Variants in ZBTB44 observed in about 807,000 individuals in gnomAD.
The protein encoded by ZBTB44 is zinc finger and BTB domain-containing protein 44.
A neutral mutation model predicts 54.0 loss-of-function variants in ZBTB44; 15 were observed. That is an observed-to-expected ratio of 0.28 (90% confidence interval 0.19 to 0.43). The LOEUF is 0.43. ZBTB44 is among the 20% of genes least tolerant of loss of function. The pLI, the probability that ZBTB44 is intolerant of heterozygous loss-of-function variation, is 1.00. For missense variants in ZBTB44, 487 were observed against 707.1 expected (o/e 0.69, Z 3.53); for synonymous variants, 230 against 250.1 (o/e 0.92, Z 0.76).
At chr11:130,291,928 A>C (rs1194549606) in intron 1 of ZBTB44, among the ~76,000 whole-genome samples, 1 of 152,210 alleles carries the variant, frequency 6.6e-6, no homozygotes, top group Non-Finnish European at 1.5e-5. Flanking sequence ...GTTTCTTTGC[A>C]GTCTCACCTT....
At chr11:130,303,105 T>C (rs1353637326) in intron 1 of ZBTB44, among the ~76,000 whole-genome samples, 2 of 152,202 alleles carry the variant, frequency 1.3e-5, no homozygotes, top group Non-Finnish European at 2.9e-5. Flanking sequence ...GATATGCTTA[T>C]CTGCCAAGAA....
intron 2 of ZBTB44, among the ~76,000 whole-genome samples, chr11:130,252,719 A>G (rs1021679375): frequency 3.9e-5 from 6 of 152,200 alleles, no homozygotes; most frequent in Non-Finnish European, 7.3e-5. Flanking sequence ...TCATTTTATG[A>G]GGCCAGCACC....
chr11:130,249,473 T>G (rs1252897161), intron 2 of ZBTB44, among the ~76,000 whole-genome samples: 1 of 152,200 alleles, frequency 6.6e-6, no homozygotes, highest in East Asian at 1.9e-4. Context: ...GTGACATTAT[T>G]TCCCCCAGAA....
intron 1 of ZBTB44, among the ~76,000 whole-genome samples, chr11:130,307,424 CAAA>C (rs35105255): frequency 2.4e-4 from 33 of 137,548 alleles, no homozygotes; most frequent in African/African-American, 4.5e-4. Flanking sequence ...GACTCTGTCT[CAAA>C]AAAAAAAAAA....
intron 2 of ZBTB44, among the ~76,000 whole-genome samples, chr11:130,256,775 A>C (rs1938476700): frequency 6.6e-6 from 1 of 152,184 alleles, no homozygotes; most frequent in Admixed American, 6.5e-5. Context: ...TTTATGACAA[A>C]TCCATAGACA....
intron 2 of ZBTB44, among the ~76,000 whole-genome samples, chr11:130,256,426 C>T (rs1938450120): frequency 6.6e-6 from 1 of 152,178 alleles, no homozygotes; most frequent in African/African-American, 2.4e-5. Flanking sequence ...GCCTGTAATC[C>T]CAGCATTTTG....
chr11:130,285,647 A>G, intron 1 of ZBTB44: 1 of 263,754 alleles, frequency 3.8e-6, no homozygotes, highest in South Asian at 5.5e-5. Context: ...CCCCTACTTC[A>G]CAGTCTAATT....
At position 130,285,795 on chromosome 11, in the gene ZBTB44, A is replaced by G. The variant is rs1311364992; in HGVS notation, c.-56-23866T>C. On this transcript the variant is annotated intron_variant, in intron 1 of 7. Coordinates refer to ENST00000357899, the MANE Select transcript of ZBTB44 (RefSeq NM_001301098.2). ...TGCTCCTATACTTCTTTTGACAGTG[A>G]TATCCACAAGGCACACAACAAATCC... The G allele has an allele frequency of 5.6e-5, 11 of 195,098 alleles. No individual in the cohort carries two copies. The East Asian group carries it at 1.2e-3, about 22-fold the overall frequency. The allele number at this position is 195,098 out of a possible 1,614,324, so 12.1% of individuals were successfully genotyped here.
At chr11:130,259,275 T>A (rs1422526453) in intron 2 of ZBTB44, among the ~76,000 whole-genome samples, 3 of 152,198 alleles carry the variant, frequency 2.0e-5, no homozygotes, top group African/African-American at 7.2e-5. Context: ...CCAGTTAGAA[T>A]GGTGATCATT....
intron 2 of ZBTB44, among the ~76,000 whole-genome samples, chr11:130,248,545 G>A (rs1464985124): frequency 6.6e-6 from 1 of 152,060 alleles, no homozygotes; most frequent in Non-Finnish European, 1.5e-5. Context: ...GGAGGCTGAG[G>A]CAGGACAATT....
intron 1 of ZBTB44, among the ~76,000 whole-genome samples, chr11:130,306,918 A>G (rs1343310160): frequency 2.6e-5 from 4 of 151,986 alleles, no homozygotes; most frequent in Non-Finnish European, 5.9e-5. Flanking sequence ...GTGAGGGATA[A>G]AAGACTACAC....
At chr11:130,269,139 A>C (rs1939487338) in intron 1 of ZBTB44, among the ~76,000 whole-genome samples, 1 of 151,836 alleles carries the variant, frequency 6.6e-6, no homozygotes, top group African/African-American at 2.4e-5. Flanking sequence ...AAAATACAAA[A>C]TTAGCTGGGA....
At chr11:130,246,446 T>C (rs1374587697) in intron 2 of ZBTB44, among the ~76,000 whole-genome samples, 1 of 152,176 alleles carries the variant, frequency 6.6e-6, no homozygotes, top group Admixed American at 6.5e-5. Context: ...CTTTTCACCT[T>C]GTGAAACAGT....
In ZBTB44 at chr11:130,238,456, G is replaced by C; in HGVS notation, c.1255C>G (p.Leu419Val). Residue 419 changes from leucine (L) to valine (V), a missense_variant, in exon 4 of 8, where the codon CTC (leucine) becomes GTC (valine). Transcript: ENST00000357899. The part of the protein sequence containing the change: ...TRIQNLKQHM[L>V]IHSGIKPFQC... ...AAGGTGACATTACCTGAGTGGATGA[G>C]CATGTGCTGCTTTAGGTTCTGAATA... 1 of 1,607,484 alleles carries C rather than the reference G, an allele frequency of 6.2e-7. No individual in the cohort carries two copies. The highest frequency in any genetic ancestry group is 8.5e-7 in the Non-Finnish European group (1 of 1,176,862).
chr11:130,304,092 T>C (rs1942139995), intron 1 of ZBTB44, among the ~76,000 whole-genome samples: 1 of 152,242 alleles, frequency 6.6e-6, no homozygotes, highest in South Asian at 2.1e-4. Flanking sequence ...AAGGCACACA[T>C]ACAATCATTA....
At chr11:130,232,944 A>G (rs1395750002) in intron 7 of ZBTB44, 1 of 171,276 alleles carries the variant, frequency 5.8e-6, no homozygotes, top group Non-Finnish European at 1.2e-5. Context: ...TCGAAGCTGC[A>G]GTGAGCTATG....
At chr11:130,250,755 CCA>C (rs1937932671) in intron 2 of ZBTB44, among the ~76,000 whole-genome samples, 1 of 152,118 alleles carries the variant, frequency 6.6e-6, no homozygotes, top group African/African-American at 2.4e-5. Flanking sequence ...AAAAGAACCT[CCA>C]CACAGACGCC....
In ZBTB44 at chr11:130,227,272, G is replaced by GTTAAC. The variant is rs1314453773; in HGVS notation, c.*4487_*4491dup. Reference sequence around the variant, plus strand: ...TATTGTCAAAAGTCAAACATGCCAAGTTAACTTAGCTATGGCCAGTGTCAC... The same window carrying GTTAAC: ...TATTGTCAAAAGTCAAACATGCCAAGTTAACTTAACTTAGCTATGGCCAGTGTCAC... On this transcript the variant is annotated 3_prime_UTR_variant, in exon 8 of 8. Coordinates refer to ENST00000357899, the MANE Select transcript of ZBTB44 (RefSeq NM_001301098.2). The GTTAAC allele has an allele frequency of 1.3e-5, 2 of 152,156 alleles. No homozygotes were observed. Among genetic ancestry groups the GTTAAC allele is most frequent in the East Asian group, 1.9e-4 (1 of 5,198 alleles). 9.4% of individuals were successfully genotyped at this position (152,156 alleles called of 1,614,324 possible).
chr11:130,258,051 T>C (rs957336254), intron 2 of ZBTB44, among the ~76,000 whole-genome samples: 2 of 152,202 alleles, frequency 1.3e-5, no homozygotes, highest in Non-Finnish European at 2.9e-5. Flanking sequence ...TCCACTGATT[T>C]TCATACGGCA....
Sources: allele counts gnomAD v4.1 joint callset (sites outside exome capture counted in the v4.1 genomes callset), GRCh38; gene constraint gnomAD v4.1.1; transcripts MANE v1.5; gene names NCBI Gene and HGNC (gene_info 2026-07-23, HGNC 2026-07-21).